The following CEP63 variants were observed in gnomAD, a reference collection of about 807,000 sequenced individuals.
CEP63 encodes the protein centrosomal protein of 63 kDa.
CEP63 carries 84 observed loss-of-function variants against 89.1 expected under a neutral mutation model. The observed-to-expected ratio is 0.94, with a 90% CI of 0.79 to 1.13. The LOEUF is 1.13. CEP63 is among the 50% of genes most tolerant of loss of function. The pLI, the probability that CEP63 is intolerant of heterozygous loss-of-function variation, is 0.00. For synonymous variants in CEP63, 267 were observed against 272.5 expected (o/e 0.98, Z 0.20); for missense variants, 838 against 813.3 (o/e 1.03, Z -0.37).
At chr3:134,691,201 CA>C in the CEP63 span, among the ~76,000 whole-genome samples, 1 of 140,418 alleles carries the variant, frequency 7.1e-6, no homozygotes, top group African/African-American at 2.7e-5. Context: ...CAAAAAATAC[CA>C]AAAATTTTAG....
At chr3:134,641,494 G>A in the CEP63 span, among the ~76,000 whole-genome samples, 1 of 152,120 alleles carries the variant, frequency 6.6e-6, no homozygotes, top group East Asian at 1.9e-4. Flanking sequence ...ACAAGCCATG[G>A]TGGGCCTGCA....
the CEP63 span, among the ~76,000 whole-genome samples, chr3:134,782,317 T>A: frequency 1.3e-5 from 2 of 152,210 alleles, no homozygotes; most frequent in African/African-American, 4.8e-5. Context: ...TGTTGTTTCT[T>A]TTTTTGGTGG....
At chr3:134,666,882 A>G in the CEP63 span, among the ~76,000 whole-genome samples, 1 of 152,216 alleles carries the variant, frequency 6.6e-6, no homozygotes, top group Non-Finnish European at 1.5e-5. Context: ...GGCAAGTAAC[A>G]CACCCAAGGT....
At chr3:134,593,647 G>T in the CEP63 span, among the ~76,000 whole-genome samples, 4 of 152,172 alleles carry the variant, frequency 2.6e-5, no homozygotes, top group Non-Finnish European at 5.9e-5. Context: ...TGTGTATAGA[G>T]GAAAACTCGA....
the CEP63 span, among the ~76,000 whole-genome samples, chr3:134,618,781 G>A: frequency 6.6e-6 from 1 of 152,148 alleles, no homozygotes; most frequent in South Asian, 2.1e-4. Context: ...TCAGCCCTGA[G>A]GACAGCCTTT....
chr3:134,740,343 G>C, the CEP63 span, among the ~76,000 whole-genome samples: 15 of 151,378 alleles, frequency 9.9e-5, no homozygotes, highest in Admixed American at 3.3e-4. Flanking sequence ...TGTTGCCCAG[G>C]CTGGAGTGCA....
chr3:134,664,692 T>G, the CEP63 span, among the ~76,000 whole-genome samples: 6 of 118,666 alleles, frequency 5.1e-5, no homozygotes, highest in Admixed American at 1.8e-4. Flanking sequence ...GTGTGTGTGT[T>G]TGTGTGTGTA....
the CEP63 span, among the ~76,000 whole-genome samples, chr3:134,640,679 AC>A: frequency 6.6e-6 from 1 of 152,204 alleles, no homozygotes; most frequent in Non-Finnish European, 1.5e-5. Flanking sequence ...AGGTGCTGGC[AC>A]CAACCTCAAC....
chr3:134,640,264 C>A, the CEP63 span, among the ~76,000 whole-genome samples: 1 of 152,180 alleles, frequency 6.6e-6, no homozygotes, highest in African/African-American at 2.4e-5. Context: ...CCAGATTGGT[C>A]CCTGTCCTGT....
chr3:134,773,278 T>C, the CEP63 span, among the ~76,000 whole-genome samples: 3 of 152,146 alleles, frequency 2.0e-5, no homozygotes, highest in Non-Finnish European at 4.4e-5. Context: ...CCCTCAGTTA[T>C]GGGTGGGCAC....
the CEP63 span, among the ~76,000 whole-genome samples, chr3:134,728,326 A>G: frequency 2.3e-4 from 35 of 152,114 alleles, no homozygotes; most frequent in Admixed American, 9.8e-4. Flanking sequence ...TTTTTTTCCT[A>G]ACCATCGAGC....
chr3:134,714,942 C>T, the CEP63 span, among the ~76,000 whole-genome samples: 1 of 152,230 alleles, frequency 6.6e-6, no homozygotes, highest in Non-Finnish European at 1.5e-5. Context: ...AAAGCCCATG[C>T]ATAAAGTGTC....
At chr3:134,558,651 G>T (rs1477835212) in intron 13 of CEP63, among the ~76,000 whole-genome samples, 5 of 152,166 alleles carry the variant, frequency 3.3e-5, no homozygotes, top group African/African-American at 1.2e-4. Context: ...ATAAGAAGTA[G>T]AATTTGGCTT....
At chr3:134,586,595 C>A (rs1413111406) in intron 10 of CEP63, among the ~76,000 whole-genome samples, 1 of 152,092 alleles carries the variant, frequency 6.6e-6, no homozygotes, top group Non-Finnish European at 1.5e-5. Context: ...TTGTGGTAAC[C>A]CAACTTTTCT....
chr3:134,568,345 C>T, downstream of CEP63, among the ~76,000 whole-genome samples: 1 of 152,218 alleles, frequency 6.6e-6, no homozygotes, highest in Non-Finnish European at 1.5e-5. Flanking sequence ...AAATAAAATA[C>T]AACAAACAAG....
At chr3:134,651,315 G>C in the CEP63 span, 3 of 1,171,868 alleles carry the variant, frequency 2.6e-6, no homozygotes, top group South Asian at 5.0e-5. Context: ...CGCTGGTCCT[G>C]GGCTCCAGGG....
chr3:134,740,675 A>G, the CEP63 span, among the ~76,000 whole-genome samples: 5 of 152,036 alleles, frequency 3.3e-5, no homozygotes, highest in African/African-American at 9.7e-5. Flanking sequence ...CAGCCTGAAC[A>G]TTCCCTGGGA....
the CEP63 span, among the ~76,000 whole-genome samples, chr3:134,682,283 C>G: frequency 6.6e-6 from 1 of 152,198 alleles, no homozygotes. Context: ...TATCCAGTCA[C>G]TCTGGGTACC....
chr3:134,759,423 T>C, the CEP63 span, among the ~76,000 whole-genome samples: 1 of 152,228 alleles, frequency 6.6e-6, no homozygotes, highest in South Asian at 2.1e-4. Context: ...GAAACCGTGC[T>C]CTTGTCTTTG....
Sources: gnomAD v4.1 joint callset for allele counts (sites outside exome capture counted in the v4.1 genomes callset) on GRCh38, gnomAD v4.1.1 for gene constraint, MANE v1.5 for transcripts, NCBI Gene and HGNC (gene_info 2026-07-23, HGNC 2026-07-21) for gene names.